FGF2: variants seen among roughly 807,000 people sequenced by gnomAD.
FGF2 encodes the protein fibroblast growth factor 2, also known as basic fibroblast growth factor bFGF.
A neutral mutation model predicts 15.9 loss-of-function variants in FGF2; 13 were observed. The observed-to-expected ratio is 0.82, with a 90% CI of 0.53 to 1.30. The LOEUF (loss-of-function observed/expected upper bound fraction) is 1.30, where lower values mean the gene tolerates loss of function less well. Among genes scored for constraint, FGF2 ranks in the 50% most tolerant of loss-of-function variants. The pLI is 0.00. For missense variants in FGF2, 163 were observed against 196.9 expected (o/e 0.83, Z 1.03); for synonymous variants, 90 against 78.4 (o/e 1.15, Z -0.78).
rs1239322970 is a variant in FGF2 at position 122,896,314 on chromosome 4, C to T, written c.*3918C>T. ...ATGTGTTTTTCTTCAATTACATCTA[C>T]AAGTAAGTACAGCTGAAATTCAGAG... On this transcript the variant is annotated 3_prime_UTR_variant, in exon 3 of 3. Coordinates refer to ENST00000644866, the MANE Select transcript of FGF2 (RefSeq NM_001361665.2). The T allele has an allele frequency of 6.6e-6, 1 of 152,322 alleles. No individual in the cohort carries two copies. Among genetic ancestry groups the T allele is most frequent in the Non-Finnish European group, 1.5e-5 (1 of 68,018 alleles). The allele number at this position is 152,322 out of a possible 1,614,324, so 9.4% of individuals were successfully genotyped here. A position where few individuals can be genotyped will look rare whatever the true frequency, so the allele number is the denominator to read the frequency against.
intron 2 of FGF2, among the ~76,000 whole-genome samples, chr4:122,877,198 C>T (rs752935996): frequency 9.2e-5 from 14 of 152,018 alleles, no homozygotes; most frequent in Middle Eastern, 6.8e-3. Context: ...TACCCTCTGC[C>T]TTCTGGGTTC....
chr4:122,848,173 T>C (rs1293752021), intron 1 of FGF2, among the ~76,000 whole-genome samples: 1 of 152,222 alleles, frequency 6.6e-6, no homozygotes. Context: ...GGTACTAGAC[T>C]GGCCTCCTGT....
At chr4:122,886,004 G>A (rs1727050664) in intron 2 of FGF2, among the ~76,000 whole-genome samples, 1 of 135,302 alleles carries the variant, frequency 7.4e-6, no homozygotes, top group Non-Finnish European at 1.5e-5. Flanking sequence ...CCACAATCTT[G>A]AATTCTTGGG....
intron 1 of FGF2, among the ~76,000 whole-genome samples, chr4:122,869,146 T>C (rs915490682): frequency 6.6e-6 from 1 of 152,114 alleles, no homozygotes; most frequent in Non-Finnish European, 1.5e-5. Flanking sequence ...GTTTTGGCTT[T>C]TGTTGCAATT....
intron 1 of FGF2, among the ~76,000 whole-genome samples, chr4:122,848,473 T>C (rs916019270): frequency 5.3e-5 from 8 of 152,184 alleles, no homozygotes; most frequent in African/African-American, 1.9e-4. Flanking sequence ...TGTGGGCTGC[T>C]GTTGCCTGTA....
chr4:122,882,987 A>T (rs1726990210), intron 2 of FGF2: 1 of 152,242 alleles, frequency 6.6e-6, no homozygotes, highest in African/African-American at 2.4e-5. Context: ...TTAAACTGTC[A>T]ACAACAGCAG....
chr4:122,893,249 A>C lies in FGF2; in HGVS notation c.*853A>C. On this transcript the variant is annotated 3_prime_UTR_variant, in exon 3 of 3. Coordinates refer to ENST00000644866, the MANE Select transcript of FGF2 (RefSeq NM_001361665.2). Reference sequence around the variant, plus strand: ...TCCTACGTAAAAAAAGAGATGTACAAATCAATAATAATTACACTTTTAGAA... The same window carrying C: ...TCCTACGTAAAAAAAGAGATGTACACATCAATAATAATTACACTTTTAGAA... The C allele has an allele frequency of 6.4e-7, 1 of 1,552,158 alleles. No individual in the cohort carries two copies. The highest frequency in any genetic ancestry group is 1.2e-5 in the South Asian group (1 of 80,552).
chr4:122,846,544 T>C (rs1208003595), intron 1 of FGF2, among the ~76,000 whole-genome samples: 1 of 152,186 alleles, frequency 6.6e-6, no homozygotes, highest in Admixed American at 6.5e-5. Flanking sequence ...AGTCCATTTA[T>C]GAAAATGCAC....
At chr4:122,856,790 A>G (rs1038314648) in intron 1 of FGF2, among the ~76,000 whole-genome samples, 3 of 152,210 alleles carry the variant, frequency 2.0e-5, no homozygotes, top group Non-Finnish European at 4.4e-5. Context: ...TTCATTCAAG[A>G]TACAGAGCAT....
chr4:122,877,635 A>G (rs1398195202), intron 2 of FGF2, among the ~76,000 whole-genome samples: 1 of 152,226 alleles, frequency 6.6e-6, no homozygotes, highest in Non-Finnish European at 1.5e-5. Context: ...TAGATAGGAC[A>G]TGTATGTAAA....
chr4:122,846,197 G>A (rs181302155), intron 1 of FGF2, among the ~76,000 whole-genome samples: 1 of 152,258 alleles, frequency 6.6e-6, no homozygotes, highest in Non-Finnish European at 1.5e-5. Context: ...GGTGTAGTTT[G>A]TGGTCCCTCA....
chr4:122,876,700 T>G lies in FGF2; in HGVS notation c.282+276T>G, dbSNP rs45547137. On this transcript the variant is annotated intron_variant, in intron 2 of 2. Coordinates refer to ENST00000644866, the MANE Select transcript of FGF2 (RefSeq NM_001361665.2). ...AGTCACTGCTTTTACTCTGCAAAAC[T>G]ATTAAGCTATAATTTAAAAAAAATT... is the stretch of plus-strand genomic sequence containing the variant. 1.7e-3 allele frequency among the ~76,000 whole-genome samples: 256 copies of G among 152,334 alleles called. 1 individual carries two copies. The highest frequency in any genetic ancestry group is 2.9e-3 in the Non-Finnish European group (197 of 68,032).
At chr4:122,883,021 T>A (rs1726990870) in intron 2 of FGF2, 1 of 152,244 alleles carries the variant, frequency 6.6e-6, no homozygotes, top group Admixed American at 6.5e-5. Flanking sequence ...TTCAGTGTTC[T>A]GACCAGTAGC....
At chr4:122,861,210 C>T (rs1726459522) in intron 1 of FGF2, among the ~76,000 whole-genome samples, 2 of 152,182 alleles carry the variant, frequency 1.3e-5, no homozygotes. Flanking sequence ...GCACAGCCTG[C>T]ACTCCCAAGG....
chr4:122,845,654 C>T (rs114493545), intron 1 of FGF2, among the ~76,000 whole-genome samples: 6,507 of 152,326 alleles, frequency 0.043, 187 homozygotes, highest in Middle Eastern at 0.12. Flanking sequence ...GAACCAAGCT[C>T]TGCTAGCCTC....
At chr4:122,860,870 C>T (rs1459505275) in intron 1 of FGF2, among the ~76,000 whole-genome samples, 1 of 152,090 alleles carries the variant, frequency 6.6e-6, no homozygotes, top group Non-Finnish European at 1.5e-5. Flanking sequence ...CACTAATGTC[C>T]TTTTTCTGTT....
intron 1 of FGF2, among the ~76,000 whole-genome samples, chr4:122,831,482 C>CA (rs1311551682): frequency 6.6e-6 from 1 of 152,208 alleles, no homozygotes; most frequent in Non-Finnish European, 1.5e-5. Flanking sequence ...TCTCTCCCCC[C>CA]ACCTCTCTTT....
intron 1 of FGF2, among the ~76,000 whole-genome samples, chr4:122,830,520 A>T (rs1191565125): frequency 5.3e-5 from 8 of 152,180 alleles, no homozygotes; most frequent in Admixed American, 2.0e-4. Context: ...ATTTGACATG[A>T]GAGTCTTGAT....
At chr4:122,834,941 ATATC>A (rs1725833673) in intron 1 of FGF2, among the ~76,000 whole-genome samples, 1 of 152,138 alleles carries the variant, frequency 6.6e-6, no homozygotes, top group African/African-American at 2.4e-5. Context: ...GCCTTTTGAG[ATATC>A]TTTTCAGGTT....
Sources: gnomAD v4.1 joint callset for allele counts (sites outside exome capture counted in the v4.1 genomes callset) on GRCh38, gnomAD v4.1.1 for gene constraint, MANE v1.5 for transcripts, NCBI Gene and HGNC (gene_info 2026-07-23, HGNC 2026-07-21) for gene names.